STXBP5L: variants seen among roughly 807,000 people sequenced by gnomAD.
STXBP5L encodes syntaxin binding protein 5L.
A neutral mutation model predicts 144.5 loss-of-function variants in STXBP5L; 65 were observed. That is an observed-to-expected ratio of 0.45 (90% CI 0.37 to 0.55). STXBP5L has a LOEUF of 0.55. STXBP5L is among the 20% of genes least tolerant of loss of function. The probability of loss-of-function intolerance (pLI) is 0.00; values close to 1 mark genes in which losing one functional copy is unlikely to be tolerated. For synonymous variants in STXBP5L, 505 were observed against 469.6 expected (o/e 1.08, Z -0.97); for missense variants, 1,298 against 1,405.5 (o/e 0.92, Z 1.22).
chr3:120,962,746 T>C (rs1939014034), intron 3 of STXBP5L, among the ~76,000 whole-genome samples: 2 of 152,186 alleles, frequency 1.3e-5, no homozygotes, highest in East Asian at 3.8e-4. Flanking sequence ...CTTAGAATTG[T>C]CTTGGCAATG....
chr3:120,985,303 A>C (rs1262706765), intron 3 of STXBP5L, among the ~76,000 whole-genome samples: 2 of 151,990 alleles, frequency 1.3e-5, no homozygotes, highest in African/African-American at 4.8e-5. Flanking sequence ...CTTTGTCAGG[A>C]GATGTCTTTT....
At chr3:120,916,370 G>A (rs1222185536) in intron 2 of STXBP5L, among the ~76,000 whole-genome samples, 2 of 151,890 alleles carry the variant, frequency 1.3e-5, no homozygotes, top group African/African-American at 4.8e-5. Context: ...GTGCAGTCTT[G>A]GCTCACTGCA....
At chr3:121,328,547 G>A (rs1025409078) in intron 20 of STXBP5L, among the ~76,000 whole-genome samples, 16 of 152,128 alleles carry the variant, frequency 1.1e-4, no homozygotes, top group South Asian at 2.1e-4. Flanking sequence ...TCAGGAGTTC[G>A]AGACCAGCCT....
At chr3:121,109,270 C>T (rs150029208) in intron 5 of STXBP5L, among the ~76,000 whole-genome samples, 3 of 152,100 alleles carry the variant, frequency 2.0e-5, no homozygotes, top group Non-Finnish European at 4.4e-5. Flanking sequence ...TTCTTGTTTT[C>T]TGCTATCTTT....
chr3:121,001,936 CA>C (rs1456845359), intron 3 of STXBP5L, among the ~76,000 whole-genome samples: 3 of 152,186 alleles, frequency 2.0e-5, no homozygotes, highest in Admixed American at 6.5e-5. Flanking sequence ...GCATTCACCA[CA>C]TTTTTTTATC....
chr3:121,297,634 G>A (rs947699172), intron 19 of STXBP5L, among the ~76,000 whole-genome samples: 6 of 152,064 alleles, frequency 3.9e-5, no homozygotes. Context: ...CATGCCTGTA[G>A]TCTCAGCTAC....
chr3:121,059,584 A>C (rs184664252), intron 5 of STXBP5L, among the ~76,000 whole-genome samples: 127 of 152,250 alleles, frequency 8.3e-4, no homozygotes, highest in Non-Finnish European at 9.3e-4. Context: ...CATTTTCACC[A>C]TACTGATTCT....
At chr3:121,128,349 A>T (rs909523252) in intron 7 of STXBP5L, among the ~76,000 whole-genome samples, 3 of 152,060 alleles carry the variant, frequency 2.0e-5, no homozygotes, top group African/African-American at 7.2e-5. Context: ...GTATTAAAGA[A>T]GGGATCAGGG....
chr3:120,979,372 T>G (rs183834339), intron 3 of STXBP5L, among the ~76,000 whole-genome samples: 1 of 152,218 alleles, frequency 6.6e-6, no homozygotes, highest in South Asian at 2.1e-4. Context: ...TATAATCTTC[T>G]GGTGCACCGT....
At chr3:121,351,836 A>G (rs1465909020) in intron 20 of STXBP5L, among the ~76,000 whole-genome samples, 1 of 152,126 alleles carries the variant, frequency 6.6e-6, no homozygotes, top group Non-Finnish European at 1.5e-5. Flanking sequence ...TTAAGTCTTT[A>G]ATCTATCTTG....
At chr3:120,982,664 A>C (rs1418729715) in intron 3 of STXBP5L, among the ~76,000 whole-genome samples, 3 of 152,330 alleles carry the variant, frequency 2.0e-5, no homozygotes, top group Middle Eastern at 3.4e-3. Context: ...CCTCCAATGC[A>C]GGAACACTGC....
intron 2 of STXBP5L, among the ~76,000 whole-genome samples, chr3:120,920,902 G>C (rs1709330088): frequency 6.6e-6 from 1 of 151,752 alleles, no homozygotes. Context: ...TGGGCACTTG[G>C]GTTGATTTTA....
intron 7 of STXBP5L, 146 bp from the exon 8 acceptor site, chr3:121,152,331 G>C: frequency 1.8e-6 from 1 of 569,608 alleles, no homozygotes; most frequent in Non-Finnish European, 2.9e-6. Context: ...TTTAAATGTA[G>C]AAAACCTATA....
At chr3:121,328,033 G>A (rs538277203) in intron 20 of STXBP5L, among the ~76,000 whole-genome samples, 14 of 152,170 alleles carry the variant, frequency 9.2e-5, no homozygotes, top group East Asian at 1.9e-4. Flanking sequence ...AAATAAGCCC[G>A]TTATAATTCA....
chr3:120,961,286 T>A (rs1439994093), intron 3 of STXBP5L, among the ~76,000 whole-genome samples: 8 of 151,120 alleles, frequency 5.3e-5, no homozygotes, highest in Admixed American at 6.6e-5. Context: ...TTTTTTTTTT[T>A]AATTATACTT....
intron 3 of STXBP5L, among the ~76,000 whole-genome samples, chr3:121,019,227 C>T (rs1407429140): frequency 6.6e-6 from 1 of 152,176 alleles, no homozygotes; most frequent in Non-Finnish European, 1.5e-5. Flanking sequence ...AAGCCCTGCC[C>T]AAGGAGAGTC....
intron 4 of STXBP5L, among the ~76,000 whole-genome samples, chr3:121,042,238 G>A (rs1947208805): frequency 6.6e-6 from 1 of 152,042 alleles, no homozygotes; most frequent in South Asian, 2.1e-4. Context: ...GAATAGATAT[G>A]CATTTGTAGT....
At chr3:121,028,811 T>G (rs1946152920) in intron 3 of STXBP5L, among the ~76,000 whole-genome samples, 1 of 152,118 alleles carries the variant, frequency 6.6e-6, no homozygotes, top group Non-Finnish European at 1.5e-5. Context: ...ATTCAGGTTC[T>G]GTTTTTGTAC....
At chr3:121,118,433 C>A (rs1328702338) in intron 6 of STXBP5L, among the ~76,000 whole-genome samples, 1 of 151,494 alleles carries the variant, frequency 6.6e-6, no homozygotes, top group Non-Finnish European at 1.5e-5. Flanking sequence ...CTGCTCTGTG[C>A]CCAGAAATTT....
Sources: allele counts gnomAD v4.1 joint callset (sites outside exome capture counted in the v4.1 genomes callset), GRCh38; gene constraint gnomAD v4.1.1; transcripts MANE v1.5; gene names NCBI Gene and HGNC (gene_info 2026-07-23, HGNC 2026-07-21).